The following TAF4 variants were observed in gnomAD, a reference collection of about 807,000 sequenced individuals.
TAF4 encodes the protein transcription initiation factor TFIID subunit 4.
Under a neutral mutation model 90.3 loss-of-function variants are expected in TAF4, and 9 were observed. The observed-to-expected ratio is 0.10, with a 90% CI of 0.06 to 0.17. The LOEUF is 0.17. TAF4 is among the 10% of genes least tolerant of loss of function. The pLI is 1.00. For missense variants in TAF4, 1,351 were observed against 1,370.7 expected (o/e 0.99, Z 0.23); for synonymous variants, 818 against 638.9 (o/e 1.28, Z -4.23).
intron 14 of TAF4, among the ~76,000 whole-genome samples, chr20:61,978,065 C>CCAACCAAGGGAGGGCGCGAG (rs2055507619): frequency 1.4e-4 from 15 of 106,544 alleles, no homozygotes; most frequent in East Asian, 2.9e-4. Flanking sequence ...GAGGGCGCGA[C>CCAACCAAGGGAGGGCGCGAG]ACCAACCAAG....
chr20:62,012,600 C>G (rs1319046256), intron 3 of TAF4: 4 of 568,916 alleles, frequency 7.0e-6, no homozygotes, highest in Non-Finnish European at 1.1e-5. Context: ...TTCTGTGTGA[C>G]TAAAAAAAAG....
At chr20:61,986,199 C>A (rs1292964774) in intron 14 of TAF4, among the ~76,000 whole-genome samples, 39 of 103,412 alleles carry the variant, frequency 3.8e-4, no homozygotes, top group African/African-American at 1.3e-3. Context: ...CACCATCCCC[C>A]ATCAAAGGAA....
At chr20:61,998,357 C>A (rs2055676498) in intron 12 of TAF4, among the ~76,000 whole-genome samples, 165 bp from the exon 13 acceptor site, 1 of 152,222 alleles carries the variant, frequency 6.6e-6, no homozygotes, top group Non-Finnish European at 1.5e-5. Context: ...TTACATCACA[C>A]ACCATGAAAA....
rs2055492726 is a variant in TAF4, at chr20:61,976,073, A to G, written c.*95T>C. The G allele has an allele frequency of 1.2e-5, 16 of 1,341,040 alleles. No individual in the cohort carries two copies. In the East Asian group the frequency reaches 3.7e-4, roughly 31 times the overall value. 83.1% of individuals were successfully genotyped at this position (1,341,040 alleles called of 1,614,324 possible). ...CAGGAATATAAAACTGTTCCATTGTAAAGAGGTGGCTGTTTTTTAAACAAT... is the reference window on the plus strand; with the variant it reads ...CAGGAATATAAAACTGTTCCATTGTGAAGAGGTGGCTGTTTTTTAAACAAT... On this transcript the variant is annotated 3_prime_UTR_variant, in exon 15 of 15. Transcript: ENST00000252996.
chr20:61,980,474 C>T (rs1321689359), intron 14 of TAF4: 9 of 152,304 alleles, frequency 5.9e-5, no homozygotes, highest in Admixed American at 5.9e-4. Flanking sequence ...GCCTATGCCG[C>T]ACACACTCCA....
chr20:62,005,658 G>A (rs897171013), intron 7 of TAF4: 1 of 152,146 alleles, frequency 6.6e-6, no homozygotes, highest in Non-Finnish European at 1.5e-5. Flanking sequence ...CCTTTATAAG[G>A]GACACCCTCC....
intron 1 of TAF4, among the ~76,000 whole-genome samples, chr20:62,056,530 C>G (rs744779): frequency 2.0e-5 from 3 of 152,096 alleles, no homozygotes; most frequent in Non-Finnish European, 4.4e-5. Context: ...GGCCACTTGT[C>G]GCCATCAGCA....
chr20:62,027,245 G>C (rs532886332), intron 1 of TAF4, among the ~76,000 whole-genome samples: 3 of 152,302 alleles, frequency 2.0e-5, no homozygotes, highest in East Asian at 1.9e-4. Context: ...TCGCAGCCCT[G>C]AGAGCCGAGC....
intron 1 of TAF4, among the ~76,000 whole-genome samples, chr20:62,059,133 T>G (rs2056076201): frequency 6.6e-6 from 1 of 152,168 alleles, no homozygotes; most frequent in South Asian, 2.1e-4. Context: ...ACACCCACGG[T>G]GGGAGAAGCT....
chr20:61,995,487 C>CT (rs1429939021), intron 14 of TAF4, among the ~76,000 whole-genome samples: 1 of 152,180 alleles, frequency 6.6e-6, no homozygotes, highest in Non-Finnish European at 1.5e-5. Flanking sequence ...GGAACACAGG[C>CT]TCAAAGACCT....
At chr20:62,035,010 C>T (rs963833423) in intron 1 of TAF4, among the ~76,000 whole-genome samples, 22 of 151,994 alleles carry the variant, frequency 1.4e-4, no homozygotes, top group Non-Finnish European at 2.5e-4. Context: ...TTAGTAGAGA[C>T]GGGGTTTCAC....
In TAF4 at chr20:62,065,025, C is replaced by T; in HGVS notation, c.786G>A (p.Ala262=). ...PAAPSPPAAP[A]PAAPAAAPPP... ...GCGGGGCGGCGGCGGGGGCGGCGGG[C>T]GCGGGGGCGGCGGGGGGCGAGGGCG... is the stretch of plus-strand genomic sequence containing the variant. The change falls in exon 1 of 15, where the codon GCG becomes GCA. Residue 262 remains alanine (A), a synonymous_variant. Coordinates refer to ENST00000252996, the MANE Select transcript of TAF4 (RefSeq NM_003185.4). 3 of 380,002 alleles carry T rather than the reference C, an allele frequency of 7.9e-6. No individual in the cohort carries two copies. The highest frequency in any genetic ancestry group is 9.3e-6 in the Non-Finnish European group (3 of 321,568). 23.5% of individuals were successfully genotyped at this position (380,002 alleles called of 1,614,324 possible).
At chr20:61,978,143 G>A in intron 14 of TAF4, among the ~76,000 whole-genome samples, 1 of 29,400 alleles carries the variant, frequency 3.4e-5, no homozygotes, top group Non-Finnish European at 7.8e-5. Context: ...CCAACCAAGG[G>A]AGGGCGCGAG....
Position 62,010,477 on chromosome 20 carries a change from T to C in TAF4, c.1642-312A>G, listed in dbSNP as rs1277669090. Among the ~76,000 whole-genome samples, 2 of 152,084 alleles carry C rather than the reference T, an allele frequency of 1.3e-5. No individual in the cohort carries two copies. The highest frequency in any genetic ancestry group is 3.9e-4 in the East Asian group (2 of 5,174). ...TCAGAAGTCCATGGAAAAAGTCACA[T>C]AGAGACCAGAGTAAATAATCCTAAC... is the stretch of plus-strand genomic sequence containing the variant. On this transcript the variant is annotated intron_variant, in intron 3 of 14. Transcript: ENST00000252996. The surrounding 1 kb of genome is among the most constrained non-coding windows in gnomAD (Gnocchi z 4.5).
chr20:62,008,434 G>C (rs2055759725), intron 5 of TAF4, among the ~76,000 whole-genome samples: 1 of 151,978 alleles, frequency 6.6e-6, no homozygotes, highest in Non-Finnish European at 1.5e-5. Flanking sequence ...CATGAGTGGA[G>C]ATCTGGAGCT....
At chr20:62,061,793 TA>T (rs1275748908) in intron 1 of TAF4, among the ~76,000 whole-genome samples, 1 of 152,244 alleles carries the variant, frequency 6.6e-6, no homozygotes, top group Non-Finnish European at 1.5e-5. Context: ...GAATAAAATC[TA>T]AACTCTGGCA....
chr20:62,032,879 T>C (rs2055911986), intron 1 of TAF4, among the ~76,000 whole-genome samples: 1 of 152,072 alleles, frequency 6.6e-6, no homozygotes, highest in Non-Finnish European at 1.5e-5. Flanking sequence ...TTCCGATCAA[T>C]CCGATTCATC....
chr20:62,032,676 A>G (rs1330846645), intron 1 of TAF4, among the ~76,000 whole-genome samples: 1 of 152,258 alleles, frequency 6.6e-6, no homozygotes, highest in East Asian at 1.9e-4. Flanking sequence ...CTGGCAGATG[A>G]CATGGACCTT....
chr20:62,060,514 C>T (rs577120949), intron 1 of TAF4, among the ~76,000 whole-genome samples: 72 of 152,302 alleles, frequency 4.7e-4, no homozygotes, highest in Non-Finnish European at 8.7e-4. Context: ...CTGTTCATCC[C>T]GAAGGCGATG....
Sources: gnomAD v4.1 joint callset for allele counts (sites outside exome capture counted in the v4.1 genomes callset) on GRCh38, gnomAD v4.1.1 for gene constraint, Gnocchi (gnomAD v3.1) non-coding constraint, MANE v1.5 for transcripts, NCBI Gene and HGNC (gene_info 2026-07-23, HGNC 2026-07-21) for gene names.